The following GLUL variants were observed in gnomAD, a reference collection of about 807,000 sequenced individuals.
GLUL encodes glutamine synthetase.
A neutral mutation model predicts 36.9 loss-of-function variants in GLUL; 8 were observed. The ratio of observed to expected loss-of-function variants is 0.22; its 90% CI spans 0.13 to 0.39. The LOEUF is 0.39. GLUL is among the 10% of genes least tolerant of loss of function. The pLI, the probability that GLUL is intolerant of heterozygous loss-of-function variation, is 1.00. For synonymous variants in GLUL, 182 were observed against 172.8 expected (o/e 1.05, Z -0.42); for missense variants, 315 against 501.8 (o/e 0.63, Z 3.56).
chr1:182,389,280 CCA>C (rs1172295616), intron 1 of GLUL: 2 of 163,538 alleles, frequency 1.2e-5, no homozygotes, highest in African/African-American at 2.4e-5. Flanking sequence ...GGCTTGGCTT[CCA>C]CAGTTTGTTT....
At position 182,387,194 on chromosome 1, in the gene GLUL, A is replaced by G; in HGVS notation, c.265T>C (p.Phe89Leu). 1.2e-6 allele frequency: 2 copies of G among 1,613,598 alleles called. No homozygotes were observed. Among genetic ancestry groups the G allele is most frequent in the Non-Finnish European group, 1.7e-6 (2 of 1,179,510 alleles). The change falls in exon 3 of 7, where the codon TTC becomes CTC. Residue 89 changes from phenylalanine (F) to leucine (L), a missense_variant. Phe to Leu is a conservative substitution (Grantham distance 22). This residue lies in a region of GLUL where 256 missense variants were observed against 396.1 expected (regional missense o/e 0.65). Coordinates refer to ENST00000331872, the MANE Select transcript of GLUL (RefSeq NM_001033044.4). ...LVPAAMFRDP[F>L]RKDPNKLVLC... is the part of the protein sequence containing the mutation. The stretch of plus-strand genomic sequence containing the variant: ...ACCAGCTTGTTAGGGTCCTTACGGA[A>G]GGGGTCCCGAAACATGGCAGCAGGC...
At chr1:182,386,803 A>G (rs145957576) in intron 3 of GLUL, 3 of 462,102 alleles carry the variant, frequency 6.5e-6, no homozygotes, top group Non-Finnish European at 7.9e-6. Flanking sequence ...GAGCCATTCT[A>G]TAATTTTTGA....
intron 3 of GLUL, chr1:182,386,846 G>C: frequency 1.9e-6 from 1 of 522,802 alleles, no homozygotes; most frequent in Non-Finnish European, 3.5e-6. Flanking sequence ...CATTTGTCCT[G>C]GCCTACATTC....
At chr1:182,385,325 G>C in intron 6 of GLUL, 32 bp downstream of exon 6, 1 of 1,520,806 alleles carries the variant, frequency 6.6e-7, no homozygotes, top group Non-Finnish European at 9.1e-7. Context: ...TGCCACAGGA[G>C]ATTAAAGATG....
chr1:182,384,027 G>C lies in GLUL; in HGVS notation c.*378C>G. ...GCAAGTCCTAACCTAACCAGAGTAC[G>C]TCAGGTCTTCCCCTTTCAGCTACCT... On this transcript the variant is annotated 3_prime_UTR_variant, in exon 7 of 7. Coordinates refer to ENST00000331872, the MANE Select transcript of GLUL (RefSeq NM_001033044.4). The C allele has an allele frequency of 3.4e-6, 1 of 294,124 alleles. No individual in the cohort carries two copies. 18.2% of individuals were successfully genotyped at this position (294,124 alleles called of 1,614,324 possible).
rs746995607 is a variant in GLUL at position 182,386,375 on chromosome 1, C to T, written c.356G>A (p.Arg119Gln). Reference sequence around the variant, plus strand: ...CTGGTTGCTCACCATGTCCATTATCCGTTTACAGGTGTGCCTCAAATTGGT... The same window carrying T: ...CTGGTTGCTCACCATGTCCATTATCTGTTTACAGGTGTGCCTCAAATTGGT... The part of the protein sequence containing the change: ...AETNLRHTCK[R>Q]IMDMVSNQHP... The change falls in exon 4 of 7, where the codon CGG becomes CAG. Residue 119 changes from arginine to glutamine, a missense_variant. Arg to Gln is a conservative substitution (Grantham distance 43). Transcript: ENST00000331872. 7.4e-6 allele frequency: 12 copies of T among 1,612,516 alleles called. No homozygotes were observed. The highest frequency in any genetic ancestry group is 3.3e-5 in the Admixed American group (2 of 60,022).
intron 3 of GLUL, chr1:182,386,899 A>C (rs1452791494): frequency 1.7e-6 from 1 of 583,776 alleles, no homozygotes; most frequent in Non-Finnish European, 3.1e-6. Flanking sequence ...ACCGGCAAAC[A>C]GATCTGGACA....
At chr1:182,387,330 C>G (rs201312968) in intron 2 of GLUL, 38 bp from the exon 3 acceptor site, 175 of 1,519,328 alleles carry the variant, frequency 1.2e-4, no homozygotes, top group Non-Finnish European at 1.3e-4. Context: ...TTAAAACATA[C>G]AGGAGCTTTC....
In GLUL at chr1:182,387,179, T is replaced by C; in HGVS notation, c.280A>G (p.Asn94Asp). The C allele has an allele frequency of 1.2e-6, 2 of 1,613,954 alleles. No homozygotes were observed. The highest frequency in any genetic ancestry group is 1.1e-5 in the South Asian group (1 of 91,082). ...MFRDPFRKDP[N>D]KLVLCEVFKY... is the part of the protein sequence containing the mutation. ...AAAACTTCACATAACACCAGCTTGT[T>C]AGGGTCCTTACGGAAGGGGTCCCGA... The change falls in exon 3 of 7, where the codon AAC becomes GAC. Residue 94 changes from asparagine (N) to aspartate (D), a missense_variant. By Grantham distance (23) the Asn-to-Asp change is conservative. Transcript: ENST00000331872.
rs1160997767 is a variant in GLUL, at chr1:182,379,751, G to C, written c.*4654C>G. 6.6e-6 allele frequency among the ~76,000 whole-genome samples: 1 copy of C among 151,536 alleles called. No individual in the cohort carries two copies. The highest frequency in any genetic ancestry group is 1.5e-5 in the Non-Finnish European group (1 of 67,970). On this transcript the variant is annotated 3_prime_UTR_variant, in exon 7 of 7. Coordinates refer to ENST00000331872, the MANE Select transcript of GLUL (RefSeq NM_001033044.4). ...GGGTTTTGTCATGTTGCCCAGGCTA[G>C]TCTCGAACTTCTGAGCTCAAGTGAT... is the stretch of plus-strand genomic sequence containing the variant.
intron 1 of GLUL, chr1:182,389,222 C>T (rs1270957931): frequency 5.5e-6 from 1 of 180,294 alleles, no homozygotes; most frequent in Non-Finnish European, 1.2e-5. Context: ...CACAAATTTA[C>T]AAAACATAGA....
At chr1:182,386,819 A>G (rs922514077) in intron 3 of GLUL, 1 of 481,316 alleles carries the variant, frequency 2.1e-6, no homozygotes, top group Non-Finnish European at 3.8e-6. Flanking sequence ...TTTGAGAAAC[A>G]TTTGTCCATT....
rs1650049812 is a variant in GLUL at position 182,383,982 on chromosome 1, GAA to G, written c.*421_*422del. ...AGAAAAGTTGGTTATAACTTTTTAAGAAAAGTTTCCACCACGAGGGCAAGTCC... is the reference window on the plus strand; with the variant it reads ...AGAAAAGTTGGTTATAACTTTTTAAGAAGTTTCCACCACGAGGGCAAGTCC... On this transcript the variant is annotated 3_prime_UTR_variant, in exon 7 of 7. Transcript: ENST00000331872. 1 of 193,050 alleles carries G rather than the reference GAA, an allele frequency of 5.2e-6. No homozygotes were observed. The highest frequency in any genetic ancestry group is 2.3e-5 in the African/African-American group (1 of 42,744). 12.0% of individuals were successfully genotyped at this position (193,050 alleles called of 1,614,324 possible).
At chr1:182,388,944 C>G in intron 1 of GLUL, 194 bp from the exon 2 acceptor site, 2 of 581,894 alleles carry the variant, frequency 3.4e-6, no homozygotes, top group Non-Finnish European at 6.2e-6. Context: ...GCAAAAATCT[C>G]CTTTATAATA....
chr1:182,384,781 T>C, intron 6 of GLUL, 58 bp from the exon 7 acceptor site: 1 of 1,248,728 alleles, frequency 8.0e-7, no homozygotes. Flanking sequence ...GAGCCAAGAA[T>C]GAAGTGCACC....
At chr1:182,390,454 C>T (rs1033737730) in intron 1 of GLUL, 1 of 399,030 alleles carries the variant, frequency 2.5e-6, no homozygotes, top group Admixed American at 4.4e-5. Context: ...GTTTCTGCAG[C>T]TCCCACCAAC....
intron 1 of GLUL, chr1:182,391,227 G>A (rs548408695): frequency 5.0e-6 from 2 of 398,628 alleles, no homozygotes; most frequent in Non-Finnish European, 8.8e-6. Context: ...CAGGACGATT[G>A]CTCCGAAGGC....
Position 182,382,454 on chromosome 1 carries a change from A to G in GLUL, c.*1951T>C, listed in dbSNP as rs1290856189. 2.0e-5 allele frequency: 3 copies of G among 151,826 alleles called. No individual in the cohort carries two copies. Among genetic ancestry groups the G allele is most frequent in the Non-Finnish European group, 2.9e-5 (2 of 68,000 alleles). The allele number at this position is 151,826 out of a possible 1,614,324, so 9.4% of individuals were successfully genotyped here. On this transcript the variant is annotated 3_prime_UTR_variant, in exon 7 of 7. Coordinates refer to ENST00000331872, the MANE Select transcript of GLUL (RefSeq NM_001033044.4). ...TGCCTAGGGCATAGCCAGCCTTGGA[A>G]GGCTTCAACCAGGGTAGCAGGGTAG... is the stretch of plus-strand genomic sequence containing the variant.
chr1:182,391,067 A>C (rs4075941), intron 1 of GLUL: 226,368 of 398,044 alleles, frequency 0.57, 66,460 homozygotes, highest in East Asian at 0.78. Flanking sequence ...CTCCGCCCGG[A>C]CCGGCTTCTC....
Sources: allele counts gnomAD v4.1 joint callset (sites outside exome capture counted in the v4.1 genomes callset), GRCh38; gene constraint gnomAD v4.1.1; regional missense constraint gnomAD v4.1.1; transcripts MANE v1.5; gene names NCBI Gene and HGNC (gene_info 2026-07-23, HGNC 2026-07-21).